The following TTN variants were observed in gnomAD, a reference collection of about 807,000 sequenced individuals.
TTN encodes titin, also known as connectin.
TTN carries 1,525 observed loss-of-function variants against 3,223.0 expected under a neutral mutation model. The ratio of observed to expected loss-of-function variants is 0.47; its 90% CI spans 0.45 to 0.49. The LOEUF (loss-of-function observed/expected upper bound fraction) is 0.49. TTN is among the 20% of genes least tolerant of loss of function. The pLI is 0.00. For missense variants in TTN, 40,786 were observed against 43,424.0 expected, an observed-to-expected ratio of 0.94 and a Z score of 5.40; for synonymous variants, 14,094 against 15,161.0, an observed-to-expected ratio of 0.93 and a Z score of 5.17.
intron 49 of TTN, 133 bp downstream of exon 49, chr2:178,737,949 C>T: frequency 8.9e-7 from 1 of 1,118,110 alleles, no homozygotes; most frequent in Non-Finnish European, 1.3e-6. Context: ...GCAGTACCTA[C>T]CTACCATGTT....
At position 178,697,138 on chromosome 2, in the gene TTN, G is replaced by A; in HGVS notation, c.30785C>T (p.Thr10262Ile). Reference sequence around the variant, plus strand: ...TTATTTACCTTTTGCTGGAATTAAGGTAGTAGGAGGTGGAGGCTTCTTGAC... The same window carrying A: ...TTATTTACCTTTTGCTGGAATTAAGATAGTAGGAGGTGGAGGCTTCTTGAC... ...EIVKKPPPPT[T>I]LIPAKAPEII... is the part of the protein sequence containing the mutation. The change falls in exon 113 of 363, where the codon ACC (threonine) becomes ATC (isoleucine). Residue 10262 changes from threonine (T) to isoleucine (I), a missense_variant. Physicochemically the swap from Thr to Ile is moderately conservative, Grantham distance 89 (BLOSUM62 -1). Transcript: ENST00000589042. The A allele has an allele frequency of 6.4e-7, 1 of 1,553,276 alleles. No individual in the cohort carries two copies. The highest frequency in any genetic ancestry group is 8.7e-7 in the Non-Finnish European group (1 of 1,148,290).
In TTN at chr2:178,664,012, T is replaced by C; in HGVS notation, c.36364+3A>G. 3 of 1,613,292 alleles carry C rather than the reference T, an allele frequency of 1.9e-6. No individual in the cohort carries two copies. The highest frequency in any genetic ancestry group is 2.5e-6 in the Non-Finnish European group (3 of 1,179,682). On this transcript the variant is annotated splice_donor_region_variant and intron_variant, in intron 169 of 362. Transcript: ENST00000589042. ...TCTGAAGCCTAAAGTCAGTGACAAATACCTTTAACAGGTGGGACTTCAGGC... is the reference window on the plus strand; with the variant it reads ...TCTGAAGCCTAAAGTCAGTGACAAACACCTTTAACAGGTGGGACTTCAGGC...
chr2:178,536,307 T>C lies in TTN; in HGVS notation c.100440A>G (p.Glu33480=). The change falls in exon 357 of 363, where the codon GAA becomes GAG. Residue 33480 remains glutamate (E), a synonymous_variant. Transcript: ENST00000589042. Reference sequence around the variant, plus strand: ...ATTTGGGAGTGATGGGTTCTGATATTTCACTCCATTCACTTTCCCCACCTA... The same window carrying C: ...ATTTGGGAGTGATGGGTTCTGATATCTCACTCCATTCACTTTCCCCACCTA... The part of the protein sequence containing the change: ...ENLGGESEWS[E]ISEPITPKSD... The C allele has an allele frequency of 6.2e-7, 1 of 1,613,658 alleles. No individual in the cohort carries two copies. Among genetic ancestry groups the C allele is most frequent in the South Asian group, 1.1e-5 (1 of 91,064 alleles).
In TTN at chr2:178,707,665, G is replaced by T. The variant is rs2076081318; in HGVS notation, c.28902C>A (p.Asp9634Glu). ...LKAGREIKPS[D>E]RCSFSFASGT... ...CACTAGCAAAGCTGAAGCTGCATCT[G>T]TCTGAAGGCTTTATTTCCCTGCCAG... The change falls in exon 100 of 363, where the codon GAC (aspartate) becomes GAA (glutamate). Residue 9634 changes from aspartate to glutamate, a missense_variant. Physicochemically the swap from Asp to Glu is conservative, Grantham distance 45 (BLOSUM62 2). Coordinates refer to ENST00000589042, the MANE Select transcript of TTN (RefSeq NM_001267550.2). 6.2e-7 allele frequency: 1 copy of T among 1,613,790 alleles called. No homozygotes were observed.
Position 178,547,163 on chromosome 2 carries a change from A to G in TTN, c.94362T>C (p.Leu31454=), listed in dbSNP as rs951474388. 11 of 1,613,790 alleles carry G rather than the reference A, an allele frequency of 6.8e-6. No individual in the cohort carries two copies. The highest frequency in any genetic ancestry group is 9.3e-6 in the Non-Finnish European group (11 of 1,179,776). The change falls in exon 340 of 363, where the codon CTT becomes CTC. Residue 31454 remains leucine (L), a synonymous_variant. Coordinates refer to ENST00000589042, the MANE Select transcript of TTN (RefSeq NM_001267550.2). ...ATGGCACTTTGTTTTCTTTCACCCA[A>G]AGAATTGTATTACGTTCTTTCTTCT... ...WVEKKERNTI[L]WVKENKVPCL...
chr2:178,550,502 A>C (rs958788759), intron 336 of TTN: 15 of 508,352 alleles, frequency 3.0e-5, no homozygotes, highest in Non-Finnish European at 4.5e-5. Context: ...TTAATTTTGC[A>C]TTGCTCTTTG....
rs200455644 is a variant in TTN at position 178,591,673 on chromosome 2, C to T, written c.60146G>A (p.Arg20049His). The change falls in exon 303 of 363, where the codon CGT becomes CAT. Residue 20049 changes from arginine to histidine, a missense_variant. Arg to His is a conservative substitution (Grantham distance 29, BLOSUM62 0). Coordinates refer to ENST00000589042, the MANE Select transcript of TTN (RefSeq NM_001267550.2). The part of the protein sequence containing the change: ...GLQQGKTYRF[R>H]VKAENIVGLG... Reference sequence around the variant, plus strand: ...ACCCACAATGTTTTCAGCTTTTACACGGAATCTATAGGTCTTTCCTTGTTG... The same window carrying T: ...ACCCACAATGTTTTCAGCTTTTACATGGAATCTATAGGTCTTTCCTTGTTG... 164 of 1,613,292 alleles carry T rather than the reference C, an allele frequency of 1.0e-4. No homozygotes were observed. Among genetic ancestry groups the T allele is most frequent in the Admixed American group, 2.5e-4 (15 of 59,944 alleles).
At chr2:178,555,265 C>T in intron 330 of TTN, 113 bp from the exon 331 acceptor site, 1 of 955,148 alleles carries the variant, frequency 1.0e-6, no homozygotes, top group Non-Finnish European at 1.6e-6. Context: ...ACACACACAC[C>T]ATCATTATAA....
Position 178,552,676 on chromosome 2 carries a change from T to A in TTN, c.90224A>T (p.Gln30075Leu), listed in dbSNP as rs1439429977. The A allele has an allele frequency of 1.9e-6, 3 of 1,613,986 alleles. No homozygotes were observed. In the South Asian group the frequency reaches 3.3e-5, roughly 18 times the overall value. ...YVVERKGKGE[Q>L]TWSHAGISKT... ...ACTTATGCCAGCGTGGGACCACGTC[T>A]GTTCACCTTTACCTTTCCTTTCTAC... Residue 30075 changes from glutamine (Q) to leucine (L), a missense_variant, in exon 335 of 363, where the codon CAG becomes CTG. Physicochemically the swap from Gln to Leu is moderately radical, Grantham distance 113 (BLOSUM62 -2). Transcript: ENST00000589042.
Position 178,553,600 on chromosome 2 carries a change from G to C in TTN, c.89405C>G (p.Pro29802Arg). The C allele has an allele frequency of 6.2e-7, 1 of 1,613,872 alleles. No individual in the cohort carries two copies. Among genetic ancestry groups the C allele is most frequent in the South Asian group, 1.1e-5 (1 of 91,078 alleles). ...TTEYVVSNLK[P>R]GVNYYFRVSA... ...TACCCGGAAGTAGTAATTGACTCCA[G>C]GTTTCAGGTTGGATACCACATATTC... is the stretch of plus-strand genomic sequence containing the variant. The change falls in exon 334 of 363, where the codon CCT (proline) becomes CGT (arginine). Residue 29802 changes from proline to arginine, a missense_variant. Pro to Arg is a moderately radical substitution (Grantham distance 103, BLOSUM62 -2). Transcript: ENST00000589042.
Position 178,561,295 on chromosome 2 carries a change from A to G in TTN, c.84837T>C (p.Asp28279=). The G allele has an allele frequency of 1.2e-6, 2 of 1,613,808 alleles. No homozygotes were observed. The highest frequency in any genetic ancestry group is 1.7e-6 in the Non-Finnish European group (2 of 1,179,800). ...VSLKWSKPHY[D]GGAKITGYIV... ...TGTATCCTGTGATCTTAGCTCCACC[A>G]TCATAATGTGGTTTAGACCATTTAA... The change falls in exon 326 of 363, where the codon GAT becomes GAC. Residue 28279 remains aspartate, a synonymous_variant. Coordinates refer to ENST00000589042, the MANE Select transcript of TTN (RefSeq NM_001267550.2).
rs767562959 is a variant in TTN, at chr2:178,549,577, T to C, written c.92145A>G (p.Ile30715Met). 7 of 1,612,206 alleles carry C rather than the reference T, an allele frequency of 4.3e-6. No individual in the cohort carries two copies. In the East Asian group the frequency reaches 1.3e-4, roughly 31 times the overall value. Residue 30715 changes from isoleucine to methionine, a missense_variant, in exon 338 of 363, where the codon ATA becomes ATG. Physicochemically the swap from Ile to Met is conservative, Grantham distance 10. Transcript: ENST00000589042. ...PLDSDPVVAQ[I>M]QYTVPDAPGI... ...GTAAAAACGCAAACTTACTATATTGTATTTGAGCAACCACTGGATCAGAAT... is the reference window on the plus strand; with the variant it reads ...GTAAAAACGCAAACTTACTATATTGCATTTGAGCAACCACTGGATCAGAAT...
Position 178,732,676 on chromosome 2 carries a change from A to G in TTN, c.16385T>C (p.Leu5462Pro). The G allele has an allele frequency of 1.2e-6, 2 of 1,606,200 alleles. No individual in the cohort carries two copies. The highest frequency in any genetic ancestry group is 2.2e-5 in the South Asian group (2 of 89,858). ...FVTKPGSKDVLPGSAVCLKST... is the reference protein window; with the variant it reads ...FVTKPGSKDVPPGSAVCLKST... ...CTTCAGGCAGACTGCTGAGCCAGGC[A>G]GAACATCCTTTGAGCCGGGTTTAGT... The change falls in exon 56 of 363, where the codon CTG (leucine) becomes CCG (proline). Residue 5462 changes from leucine to proline, a missense_variant. Coordinates refer to ENST00000589042, the MANE Select transcript of TTN (RefSeq NM_001267550.2).
rs774754081 is a variant in TTN, at chr2:178,585,209, T to A, written c.64535A>T (p.His21512Leu). Residue 21512 changes from histidine to leucine, a missense_variant, in exon 309 of 363, where the codon CAC (histidine) becomes CTC (leucine). Physicochemically the swap from His to Leu is moderately conservative, Grantham distance 99. Coordinates refer to ENST00000589042, the MANE Select transcript of TTN (RefSeq NM_001267550.2). Reference protein sequence around the residue: ...KGEDEVVTSSHLAVHKADSSS... With the variant: ...KGEDEVVTSSLLAVHKADSSS... ...GCTGTCTGCTTTATGCACTGCCAGG[T>A]GGCTGGATGTGACAACTTCATCTTC... 1.2e-5 allele frequency: 19 copies of A among 1,613,278 alleles called. No homozygotes were observed. The African/African-American group carries it at 2.0e-4, about 17-fold the overall frequency.
chr2:178,745,675 G>A lies in TTN; in HGVS notation c.11312-3754C>T. 1.2e-6 allele frequency: 2 copies of A among 1,611,874 alleles called. No individual in the cohort carries two copies. Among genetic ancestry groups the A allele is most frequent in the Non-Finnish European group, 1.7e-6 (2 of 1,178,708 alleles). Reference sequence around the variant, plus strand: ...ACTCTCCTTCATCACTCTTTACTAAGCTTGTTATAAACAGGTTATGGAACC... The same window carrying A: ...ACTCTCCTTCATCACTCTTTACTAAACTTGTTATAAACAGGTTATGGAACC... On this transcript the variant is annotated intron_variant, in intron 47 of 362. Coordinates refer to ENST00000589042, the MANE Select transcript of TTN (RefSeq NM_001267550.2).
In TTN at chr2:178,580,336, A is replaced by G; in HGVS notation, c.67043T>C (p.Val22348Ala). ...NSCGKKEYTI[V>A]VKVLDTPGPP... ...AATAGACTTACCAAGCACTTTCACA[A>G]CAATGGTATATTCCTTTTTACCACA... Residue 22348 changes from valine (V) to alanine (A), a missense_variant, in exon 317 of 363, where the codon GTT becomes GCT. Coordinates refer to ENST00000589042, the MANE Select transcript of TTN (RefSeq NM_001267550.2). The G allele has an allele frequency of 1.9e-6, 3 of 1,612,896 alleles. No homozygotes were observed. The highest frequency in any genetic ancestry group is 2.5e-6 in the Non-Finnish European group (3 of 1,179,350).
In TTN at chr2:178,544,345, T is replaced by C. The variant is rs369087584; in HGVS notation, c.95884A>G (p.Asn31962Asp). The change falls in exon 345 of 363, where the codon AAT (asparagine) becomes GAT (aspartate). Residue 31962 changes from asparagine to aspartate, a missense_variant. Coordinates refer to ENST00000589042, the MANE Select transcript of TTN (RefSeq NM_001267550.2). ...DTDQWYRVHT[N>D]ATIRNTEFTV... ...AATTCAGTATTTCTTATTGTGGCATTGGTATGCACTCGGTACCACTGATCA... is the reference window on the plus strand; with the variant it reads ...AATTCAGTATTTCTTATTGTGGCATCGGTATGCACTCGGTACCACTGATCA... The C allele has an allele frequency of 3.7e-5, 59 of 1,613,692 alleles. No homozygotes were observed. In the African/African-American group the frequency reaches 7.5e-4, roughly 20 times the overall value.
Position 178,554,561 on chromosome 2 carries a change from T to C in TTN, c.88786A>G (p.Thr29596Ala). ...EHLEECIITT[T>A]KIIKGNEYIF... is the part of the protein sequence containing the mutation. ...TATTCATTTCCTTTGATAATTTTGG[T>C]GGTTGTAATGATGCACTCTTCCAAA... Residue 29596 changes from threonine to alanine, a missense_variant, in exon 332 of 363, where the codon ACC (threonine) becomes GCC (alanine). By Grantham distance (58) the Thr-to-Ala change is moderately conservative. Transcript: ENST00000589042. The C allele has an allele frequency of 1.2e-6, 2 of 1,613,854 alleles. No individual in the cohort carries two copies. Among genetic ancestry groups the C allele is most frequent in the Non-Finnish European group, 1.7e-6 (2 of 1,179,826 alleles).
Position 178,561,764 on chromosome 2 carries a change from C to T in TTN, c.84368G>A (p.Ser28123Asn), listed in dbSNP as rs1703752029. The T allele has an allele frequency of 6.2e-7, 1 of 1,613,646 alleles. No individual in the cohort carries two copies. Among genetic ancestry groups the T allele is most frequent in the African/African-American group, 1.3e-5 (1 of 75,044 alleles). ...SIKIVRLTTG[S>N]EYQFRVCAEN... Reference sequence around the variant, plus strand: ...TGCACAAACACGGAACTGATACTCACTTCCTGTTGTCAGGCGAACTATTTT... The same window carrying T: ...TGCACAAACACGGAACTGATACTCATTTCCTGTTGTCAGGCGAACTATTTT... The change falls in exon 326 of 363, where the codon AGT becomes AAT. Residue 28123 changes from serine (S) to asparagine (N), a missense_variant. Ser to Asn is a conservative substitution (Grantham distance 46, BLOSUM62 1). Coordinates refer to ENST00000589042, the MANE Select transcript of TTN (RefSeq NM_001267550.2).
Sources: allele counts gnomAD v4.1 joint callset, GRCh38; gene constraint gnomAD v4.1.1; transcripts MANE v1.5; gene names NCBI Gene and HGNC (gene_info 2026-07-23, HGNC 2026-07-21).